Variants in GALNTL6 observed in about 807,000 individuals in gnomAD.
GALNTL6 encodes the protein polypeptide N-acetylgalactosaminyltransferase like 6, also known as polypeptide N-acetylgalactosaminyltransferase-like 6.
In GALNTL6, 46 loss-of-function variants were observed where a neutral mutation model predicts 73.7. The observed-to-expected ratio is 0.62, with a 90% CI of 0.49 to 0.80. GALNTL6 has a LOEUF of 0.80. Ranked by LOEUF, GALNTL6 falls within the 30% of genes least tolerant of loss-of-function variation. The pLI is 0.00. For missense variants in GALNTL6, 604 were observed against 755.0 expected (o/e 0.80, Z 2.34); for synonymous variants, 259 against 263.7 (o/e 0.98, Z 0.17).
At chr4:172,615,009 A>G (rs1738669901) in intron 5 of GALNTL6, among the ~76,000 whole-genome samples, 1 of 152,142 alleles carries the variant, frequency 6.6e-6, no homozygotes, top group Non-Finnish European at 1.5e-5. Context: ...TGTTCTAATC[A>G]ATGAAACCAT....
At chr4:172,991,503 G>C (rs551443407) in intron 10 of GALNTL6, among the ~76,000 whole-genome samples, 1 of 151,814 alleles carries the variant, frequency 6.6e-6, no homozygotes, top group Non-Finnish European at 1.5e-5. Flanking sequence ...AGGTTCAAGC[G>C]ATTCTCCTAA....
chr4:172,093,421 TATAAC>T (rs1247454623), intron 2 of GALNTL6, among the ~76,000 whole-genome samples: 1 of 152,156 alleles, frequency 6.6e-6, no homozygotes, highest in African/African-American at 2.4e-5. Flanking sequence ...CCTCATACCG[TATAAC>T]ATTTTACTTT....
chr4:172,170,412 G>A (rs1734774595), intron 2 of GALNTL6, among the ~76,000 whole-genome samples: 2 of 151,460 alleles, frequency 1.3e-5, no homozygotes, highest in South Asian at 4.2e-4. Flanking sequence ...CGCCATGATT[G>A]TAAGTTTCCT....
chr4:171,857,838 G>A (rs970596225), intron 2 of GALNTL6, among the ~76,000 whole-genome samples: 6 of 152,302 alleles, frequency 3.9e-5, no homozygotes, highest in African/African-American at 1.4e-4. Context: ...TAATGCATAT[G>A]TTTTTGCAAG....
At chr4:173,014,091 G>T (rs1752675660) in intron 11 of GALNTL6, among the ~76,000 whole-genome samples, 1 of 151,674 alleles carries the variant, frequency 6.6e-6, no homozygotes. Context: ...AAACAAAATT[G>T]TTACATGGGA....
At chr4:172,601,953 A>T (rs1738064104) in intron 5 of GALNTL6, among the ~76,000 whole-genome samples, 2 of 152,102 alleles carry the variant, frequency 1.3e-5, no homozygotes, top group African/African-American at 4.8e-5. Context: ...TAATAGGAAA[A>T]ATGTTTTTAA....
chr4:172,291,942 C>T (rs576981676), intron 3 of GALNTL6, among the ~76,000 whole-genome samples: 1 of 152,216 alleles, frequency 6.6e-6, no homozygotes, highest in Non-Finnish European at 1.5e-5. Flanking sequence ...GGGATGATTT[C>T]TAAACCTGTC....
At chr4:172,959,871 C>T (rs549960324) in intron 10 of GALNTL6, among the ~76,000 whole-genome samples, 2 of 152,224 alleles carry the variant, frequency 1.3e-5, no homozygotes, top group African/African-American at 4.8e-5. Flanking sequence ...GGAATGCCTG[C>T]CTGCTGCGGT....
At chr4:172,449,326 T>C (rs1185399675) in intron 5 of GALNTL6, among the ~76,000 whole-genome samples, 1 of 152,174 alleles carries the variant, frequency 6.6e-6, no homozygotes, top group African/African-American at 2.4e-5. Context: ...AGTACCACCA[T>C]TATGAAGGTA....
chr4:172,244,915 T>A (rs771934376), intron 3 of GALNTL6, among the ~76,000 whole-genome samples: 3 of 152,194 alleles, frequency 2.0e-5, no homozygotes, highest in Non-Finnish European at 4.4e-5. Flanking sequence ...TGTTAGTAGT[T>A]GTGATTACTA....
chr4:171,987,431 C>T (rs559264403), intron 2 of GALNTL6, among the ~76,000 whole-genome samples: 96 of 152,228 alleles, frequency 6.3e-4, no homozygotes, highest in African/African-American at 2.1e-3. Context: ...GAAATGACTG[C>T]GGTGGCCTTC....
intron 2 of GALNTL6, among the ~76,000 whole-genome samples, chr4:172,037,573 C>A (rs1407095596): frequency 2.0e-5 from 3 of 152,126 alleles, no homozygotes; most frequent in African/African-American, 7.2e-5. Flanking sequence ...CAAAGCTTAA[C>A]AATTCTGTCT....
At chr4:172,912,736 C>T (rs1466828673) in intron 8 of GALNTL6, among the ~76,000 whole-genome samples, 1 of 152,206 alleles carries the variant, frequency 6.6e-6, no homozygotes, top group African/African-American at 2.4e-5. Context: ...CTGGGTGGAG[C>T]CCAGCGCAGC....
intron 2 of GALNTL6, among the ~76,000 whole-genome samples, chr4:172,109,572 A>T (rs1271280285): frequency 6.6e-6 from 1 of 152,236 alleles, no homozygotes; most frequent in Non-Finnish European, 1.5e-5. Flanking sequence ...TAACTCTGTC[A>T]ACAAAAATTT....
At chr4:171,824,140 G>T (rs1734765112) in intron 2 of GALNTL6, among the ~76,000 whole-genome samples, 1 of 140,330 alleles carries the variant, frequency 7.1e-6, no homozygotes, top group South Asian at 2.3e-4. Flanking sequence ...TATTACAAAT[G>T]CAAAGAGATT....
chr4:172,893,133 T>A (rs1746129234), intron 8 of GALNTL6, among the ~76,000 whole-genome samples: 1 of 152,102 alleles, frequency 6.6e-6, no homozygotes, highest in Non-Finnish European at 1.5e-5. Flanking sequence ...GCCCCAGGAG[T>A]GGGCCTGACC....
At chr4:172,357,265 G>C (rs1742193060) in intron 5 of GALNTL6, among the ~76,000 whole-genome samples, 1 of 152,156 alleles carries the variant, frequency 6.6e-6, no homozygotes, top group South Asian at 2.1e-4. Context: ...ATGTGCCGTA[G>C]AATTTATTGA....
At chr4:171,916,759 A>G (rs1737644285) in intron 2 of GALNTL6, among the ~76,000 whole-genome samples, 1 of 152,102 alleles carries the variant, frequency 6.6e-6, no homozygotes, top group African/African-American at 2.4e-5. Context: ...GCAGGGAATT[A>G]TAATATGTTC....
At chr4:172,752,498 C>T (rs1579436355) in intron 5 of GALNTL6, among the ~76,000 whole-genome samples, 1 of 151,992 alleles carries the variant, frequency 6.6e-6, no homozygotes, top group East Asian at 1.9e-4. Flanking sequence ...TTTATAATAA[C>T]TATTATGTCC....
Sources: allele counts gnomAD v4.1 joint callset (sites outside exome capture counted in the v4.1 genomes callset), GRCh38; gene constraint gnomAD v4.1.1; transcripts MANE v1.5; gene names NCBI Gene and HGNC (gene_info 2026-07-23, HGNC 2026-07-21).